The following LRRIQ3 variants were observed in gnomAD, a reference collection of about 807,000 sequenced individuals.
LRRIQ3 encodes leucine rich repeats and IQ motif containing 3, also known as leucine-rich repeat and IQ domain-containing protein 3.
A neutral mutation model predicts 59.3 loss-of-function variants in LRRIQ3; 75 were observed. The ratio of observed to expected loss-of-function variants is 1.26; its 90% CI spans 1.05 to 1.53. The LOEUF is 1.53. Ranked by LOEUF, LRRIQ3 falls within the 40% of genes most tolerant of loss-of-function variation. The pLI, the probability that LRRIQ3 is intolerant of heterozygous loss-of-function variation, is 0.00. For missense variants in LRRIQ3, 831 were observed against 710.0 expected, an observed-to-expected ratio of 1.17 and a Z score of -1.94; for synonymous variants, 250 against 231.3, an observed-to-expected ratio of 1.08 and a Z score of -0.73.
intron 5 of LRRIQ3, among the ~76,000 whole-genome samples, chr1:74,103,791 C>G (rs902516379): frequency 4.0e-5 from 6 of 151,004 alleles, no homozygotes; most frequent in African/African-American, 1.5e-4. Flanking sequence ...TGTCCTTCCC[C>G]CCCCCGCCAT....
chr1:74,188,824 C>G (rs1246623616), intron 1 of LRRIQ3, among the ~76,000 whole-genome samples: 1 of 152,100 alleles, frequency 6.6e-6, no homozygotes. Context: ...CTTCTAAGTA[C>G]AAATGACAAA....
At chr1:74,050,462 G>A (rs1654338640) in intron 6 of LRRIQ3, 1 of 945,680 alleles carries the variant, frequency 1.1e-6, no homozygotes, top group Non-Finnish European at 1.3e-6. Flanking sequence ...TCAGTTTTCT[G>A]AACAGATAGT....
At chr1:74,070,671 T>C (rs1165331021) in intron 6 of LRRIQ3, among the ~76,000 whole-genome samples, 1 of 151,982 alleles carries the variant, frequency 6.6e-6, no homozygotes, top group Non-Finnish European at 1.5e-5. Flanking sequence ...TATATGTGTG[T>C]GTGTGCATGT....
At chr1:74,058,856 A>C (rs2100436992) in intron 6 of LRRIQ3, among the ~76,000 whole-genome samples, 1 of 152,186 alleles carries the variant, frequency 6.6e-6, no homozygotes, top group Non-Finnish European at 1.5e-5. Context: ...ATTATGTATT[A>C]ATTACAAACA....
intron 6 of LRRIQ3, among the ~76,000 whole-genome samples, chr1:74,066,056 C>G (rs1460994592): frequency 1.3e-5 from 2 of 151,982 alleles, no homozygotes; most frequent in East Asian, 1.9e-4. Context: ...CGTGCTGGTG[C>G]ATGCCTGTAA....
chr1:74,057,615 T>C (rs919976131), intron 6 of LRRIQ3, among the ~76,000 whole-genome samples: 2 of 152,158 alleles, frequency 1.3e-5, no homozygotes, highest in Non-Finnish European at 1.5e-5. Context: ...TAAAGACTTA[T>C]ATGTAAGACT....
chr1:74,176,233 T>A (rs1425561775), intron 3 of LRRIQ3, among the ~76,000 whole-genome samples: 4 of 152,160 alleles, frequency 2.6e-5, no homozygotes, highest in Non-Finnish European at 4.4e-5. Flanking sequence ...TTCATTGTCA[T>A]AGAATTATGA....
At chr1:74,196,995 T>A (rs926252882) in intron 1 of LRRIQ3, among the ~76,000 whole-genome samples, 1 of 152,234 alleles carries the variant, frequency 6.6e-6, no homozygotes, top group Non-Finnish European at 1.5e-5. Context: ...TGGCCCTTTG[T>A]TCTCTCTCTG....
rs1021670232 is a variant in LRRIQ3, at chr1:74,151,126, T to G, written c.707+4607A>C. Among the ~76,000 whole-genome samples the G allele has an allele frequency of 3.4e-5, 5 of 147,000 alleles. No individual in the cohort carries two copies. The Admixed American group carries it at 3.5e-4, about 10-fold the overall frequency. On this transcript the variant is annotated intron_variant, in intron 4 of 7. Transcript: ENST00000354431. Reference sequence around the variant, plus strand: ...TCCGCCTCCTGGGTTCAAGCAATTCTCCTGCCTCAGCCTCCTGAGTAGCTG... The same window carrying G: ...TCCGCCTCCTGGGTTCAAGCAATTCGCCTGCCTCAGCCTCCTGAGTAGCTG...
intron 6 of LRRIQ3, among the ~76,000 whole-genome samples, chr1:74,046,436 C>T (rs1017820029): frequency 1.3e-5 from 2 of 152,120 alleles, no homozygotes; most frequent in Admixed American, 1.3e-4. Context: ...CTACCTTACA[C>T]CTTATACAAA....
chr1:74,043,046 C>T (rs1654094978), intron 6 of LRRIQ3, among the ~76,000 whole-genome samples: 2 of 152,040 alleles, frequency 1.3e-5, no homozygotes, highest in South Asian at 4.1e-4. Context: ...ATGTTTCAGT[C>T]AATATGCATT....
chr1:74,127,466 T>A (rs1162902706), intron 4 of LRRIQ3, among the ~76,000 whole-genome samples: 1 of 151,942 alleles, frequency 6.6e-6, no homozygotes, highest in Non-Finnish European at 1.5e-5. Context: ...AATTTCTTGG[T>A]TTTTGTGTGT....
intron 5 of LRRIQ3, among the ~76,000 whole-genome samples, chr1:74,085,352 C>A: frequency 6.7e-6 from 1 of 148,590 alleles, no homozygotes; most frequent in Middle Eastern, 3.6e-3. Flanking sequence ...AAAACACAAC[C>A]TGCCATAAAA....
chr1:74,151,065 T>C (rs1330351899), intron 4 of LRRIQ3, among the ~76,000 whole-genome samples: 2 of 131,928 alleles, frequency 1.5e-5, no homozygotes, highest in South Asian at 5.1e-4. Flanking sequence ...GTCACCAGGC[T>C]GGAGTGCAGT....
chr1:74,099,826 T>C (rs1229549914), intron 5 of LRRIQ3, among the ~76,000 whole-genome samples: 1 of 152,148 alleles, frequency 6.6e-6, no homozygotes, highest in African/African-American at 2.4e-5. Flanking sequence ...TCTCAATAGA[T>C]GCAGAAAAGG....
chr1:74,074,740 A>T lies in LRRIQ3; in HGVS notation c.918T>A (p.His306Gln), dbSNP rs951932400. 4.2e-6 allele frequency: 6 copies of T among 1,444,610 alleles called. No homozygotes were observed. The highest frequency in any genetic ancestry group is 4.7e-6 in the Non-Finnish European group (5 of 1,068,874). The allele number at this position is 1,444,610 out of a possible 1,614,324, so 89.5% of individuals were successfully genotyped here. The change falls in exon 6 of 8, where the codon CAT (histidine) becomes CAA (glutamine). Residue 306 changes from histidine to glutamine, a missense_variant. Physicochemically the swap from His to Gln is conservative, Grantham distance 24. Transcript: ENST00000354431. ...TTAATTCACATAAAATAGATGACAC[A>T]TGTTTTCTGTGTTCACTGGAATTTT... ...DLKNSSEHRK[H>Q]VSSILCELKP...
In LRRIQ3 at chr1:74,041,232, T is replaced by C; in HGVS notation, c.1699A>G (p.Lys567Glu). The change falls in exon 7 of 8, where the codon AAA (lysine) becomes GAA (glutamate). Residue 567 changes from lysine (K) to glutamate (E), a missense_variant. Lys to Glu is a moderately conservative substitution (Grantham distance 56). Coordinates refer to ENST00000354431, the MANE Select transcript of LRRIQ3 (RefSeq NM_001105659.2). ...ACCTACCTAACTTTTTTCATTTCTTTAAGTAAATTCTTTCTATATTTTTCT... is the reference window on the plus strand; with the variant it reads ...ACCTACCTAACTTTTTTCATTTCTTCAAGTAAATTCTTTCTATATTTTTCT... ...KAEKYRKNLL[K>E]EMKKVRSQEI... The C allele has an allele frequency of 5.7e-6, 9 of 1,581,152 alleles. No individual in the cohort carries two copies. The highest frequency in any genetic ancestry group is 7.7e-6 in the Non-Finnish European group (9 of 1,166,926).
intron 6 of LRRIQ3, among the ~76,000 whole-genome samples, chr1:74,052,576 T>A (rs893604824): frequency 8.5e-5 from 13 of 152,118 alleles, no homozygotes; most frequent in African/African-American, 3.1e-4. Flanking sequence ...ATGGTAGACA[T>A]CTCTAATATC....
rs148780307 is a variant in LRRIQ3, at chr1:74,135,940, A to C, written c.707+19793T>G. The stretch of plus-strand genomic sequence containing the variant: ...TAAAAAACTAGAAAAATAGTAGAGA[A>C]AATTAATAAAATCATTGATTCTTTG... On this transcript the variant is annotated intron_variant, in intron 4 of 7. Transcript: ENST00000354431. Among the ~76,000 whole-genome samples the C allele has an allele frequency of 4.2e-3, 639 of 152,010 alleles. 7 individuals carry two copies. The highest frequency in any genetic ancestry group is 3.2e-3 in the Admixed American group (49 of 15,216).
Sources: gnomAD v4.1 joint callset for allele counts (sites outside exome capture counted in the v4.1 genomes callset) on GRCh38, gnomAD v4.1.1 for gene constraint, MANE v1.5 for transcripts, NCBI Gene and HGNC (gene_info 2026-07-23, HGNC 2026-07-21) for gene names.